Variants in TSPAN5 observed in about 807,000 individuals in gnomAD.
The protein encoded by TSPAN5 is tetraspanin 5.
In TSPAN5, 10 loss-of-function variants were observed where a neutral mutation model predicts 37.1. That is an observed-to-expected ratio of 0.27 (90% CI 0.17 to 0.46). The LOEUF (loss-of-function observed/expected upper bound fraction) is 0.46, where lower values mean the gene tolerates loss of function less well. TSPAN5 is among the 20% of genes least tolerant of loss of function. The probability of loss-of-function intolerance (pLI) is 1.00; values close to 1 mark genes in which losing one functional copy is unlikely to be tolerated. For synonymous variants in TSPAN5, 110 were observed against 118.9 expected (o/e 0.93, Z 0.48); for missense variants, 195 against 326.6 (o/e 0.60, Z 3.11).
chr4:98,610,509 C>T (rs1756156972), intron 1 of TSPAN5, among the ~76,000 whole-genome samples: 1 of 152,194 alleles, frequency 6.6e-6, no homozygotes, highest in Non-Finnish European at 1.5e-5. Context: ...TCAAAATTAT[C>T]TACATAAGTA....
rs79548387 is a variant in TSPAN5 at position 98,570,921 on chromosome 4, G to A, written c.82-63193C>T. ...TACCCTGAGAAGGCCTGAGAACAGGGCCTCTCAGGGTGCCTGAGAGGTGGA... is the reference window on the plus strand; with the variant it reads ...TACCCTGAGAAGGCCTGAGAACAGGACCTCTCAGGGTGCCTGAGAGGTGGA... On this transcript the variant is annotated intron_variant, in intron 1 of 7. Transcript: ENST00000305798. 6.7e-3 allele frequency among the ~76,000 whole-genome samples: 1,016 copies of A among 151,844 alleles called. 22 individuals carry two copies. The highest frequency in any genetic ancestry group is 0.023 in the African/African-American group (952 of 41,414).
intron 1 of TSPAN5, among the ~76,000 whole-genome samples, chr4:98,549,662 G>A (rs182592709): frequency 6.6e-6 from 1 of 152,114 alleles, no homozygotes; most frequent in African/African-American, 2.4e-5. Context: ...TTTCATGTTT[G>A]TTGGCCACTT....
intron 1 of TSPAN5, among the ~76,000 whole-genome samples, chr4:98,655,861 T>C (rs990075387): frequency 6.6e-6 from 1 of 152,146 alleles, no homozygotes; most frequent in Non-Finnish European, 1.5e-5. Context: ...AGCAGGAAAT[T>C]TAAATATGGG....
intron 3 of TSPAN5, chr4:98,486,446 T>C: frequency 3.1e-6 from 1 of 320,712 alleles, no homozygotes; most frequent in South Asian, 4.4e-5. Context: ...TATATATATA[T>C]ACCTACCTTA....
At chr4:98,566,383 C>A (rs1052593944) in intron 1 of TSPAN5, among the ~76,000 whole-genome samples, 3 of 152,070 alleles carry the variant, frequency 2.0e-5, no homozygotes, top group Non-Finnish European at 2.9e-5. Context: ...CATCTCTCCC[C>A]TAAACAAGTC....
chr4:98,482,127 C>T lies in TSPAN5; in HGVS notation c.328G>A (p.Val110Ile), dbSNP rs1229281588. The change falls in exon 4 of 8, where the codon GTT becomes ATT. Residue 110 changes from valine to isoleucine, a missense_variant. Coordinates refer to ENST00000305798, the MANE Select transcript of TSPAN5 (RefSeq NM_005723.4). ...CAGTCTTTGAAAACAAATGCTAGAA[C>T]TCCGGCAGTGAGCTCCAGGAAGAAA... The part of the protein sequence containing the change: ...IIFFLELTAG[V>I]LAFVFKDWIK... 5.6e-6 allele frequency: 9 copies of T among 1,614,088 alleles called. No homozygotes were observed. Among genetic ancestry groups the T allele is most frequent in the South Asian group, 1.1e-5 (1 of 91,082 alleles).
chr4:98,602,881 G>A (rs1755914628), intron 1 of TSPAN5, among the ~76,000 whole-genome samples: 1 of 152,152 alleles, frequency 6.6e-6, no homozygotes, highest in Admixed American at 6.5e-5. Context: ...ATACAGCAAT[G>A]CAATAAAGTG....
chr4:98,582,882 G>A (rs1755401389), intron 1 of TSPAN5, among the ~76,000 whole-genome samples: 1 of 152,172 alleles, frequency 6.6e-6, no homozygotes, highest in African/African-American at 2.4e-5. Flanking sequence ...GAAGAAAAGT[G>A]AGCTTGGTAC....
rs1000331508 is a variant in TSPAN5 at position 98,471,795 on chromosome 4, T to A, written c.*727A>T. On this transcript the variant is annotated 3_prime_UTR_variant, in exon 8 of 8. Coordinates refer to ENST00000305798, the MANE Select transcript of TSPAN5 (RefSeq NM_005723.4). ...TCATTTTCTCCTTGAATTTCACTGA[T>A]AAACAAAGCTCAGGTCTACTTAGAA... 2.6e-5 allele frequency: 4 copies of A among 152,208 alleles called. No individual in the cohort carries two copies. Among genetic ancestry groups the A allele is most frequent in the African/African-American group, 7.2e-5 (3 of 41,438 alleles). 9.4% of individuals were successfully genotyped at this position (152,208 alleles called of 1,614,324 possible). A position where few individuals can be genotyped will look rare whatever the true frequency, so the allele number is the denominator to read the frequency against.
chr4:98,587,035 G>T (rs1004978663), intron 1 of TSPAN5, among the ~76,000 whole-genome samples: 1 of 152,232 alleles, frequency 6.6e-6, no homozygotes, highest in Non-Finnish European at 1.5e-5. Flanking sequence ...CAAAAGCCAA[G>T]GGTGAGGGCT....
intron 1 of TSPAN5, among the ~76,000 whole-genome samples, chr4:98,535,707 AT>A (rs1754215315): frequency 6.6e-6 from 1 of 152,048 alleles, no homozygotes; most frequent in South Asian, 2.1e-4. Flanking sequence ...ATAGTCCCAT[AT>A]TTGTTGGAGG....
At chr4:98,617,025 A>G (rs1464365957) in intron 1 of TSPAN5, among the ~76,000 whole-genome samples, 1 of 152,050 alleles carries the variant, frequency 6.6e-6, no homozygotes, top group Non-Finnish European at 1.5e-5. Flanking sequence ...GGGTTTCACC[A>G]TGTTGCCCAG....
At chr4:98,569,732 T>C (rs991776710) in intron 1 of TSPAN5, among the ~76,000 whole-genome samples, 3 of 152,180 alleles carry the variant, frequency 2.0e-5, no homozygotes, top group Non-Finnish European at 4.4e-5. Flanking sequence ...AGAAGAAAAT[T>C]TGCTGAACCT....
intron 2 of TSPAN5, among the ~76,000 whole-genome samples, chr4:98,503,907 C>G (rs1246915062): frequency 6.6e-6 from 1 of 152,174 alleles, no homozygotes; most frequent in Non-Finnish European, 1.5e-5. Context: ...TCCTTCCAAA[C>G]AGCAGATCCT....
At chr4:98,498,862 G>A (rs2110277569) in intron 2 of TSPAN5, among the ~76,000 whole-genome samples, 1 of 152,282 alleles carries the variant, frequency 6.6e-6, no homozygotes, top group Admixed American at 6.5e-5. Context: ...ATCAGAAGTA[G>A]GTGAGGACAG....
chr4:98,642,884 T>C (rs1339154532), intron 1 of TSPAN5, among the ~76,000 whole-genome samples: 1 of 151,974 alleles, frequency 6.6e-6, no homozygotes, highest in Non-Finnish European at 1.5e-5. Flanking sequence ...TCTGTTAAGC[T>C]AAGTGTTATT....
At chr4:98,589,577 C>T (rs918307164) in intron 1 of TSPAN5, among the ~76,000 whole-genome samples, 1 of 152,218 alleles carries the variant, frequency 6.6e-6, no homozygotes, top group Non-Finnish European at 1.5e-5. Context: ...GGATTCTTTA[C>T]ATTAACTGGA....
intron 1 of TSPAN5, among the ~76,000 whole-genome samples, chr4:98,572,169 C>T (rs2110183652): frequency 6.6e-6 from 1 of 152,050 alleles, no homozygotes; most frequent in African/African-American, 2.4e-5. Context: ...TCGCCGTTAA[C>T]AATTTTTTCC....
chr4:98,574,567 C>G (rs1428739682), intron 1 of TSPAN5: 1 of 152,328 alleles, frequency 6.6e-6, no homozygotes, highest in Middle Eastern at 3.4e-3. Flanking sequence ...TCTCCCCTTC[C>G]TTCCACGGCA....
Sources: allele counts gnomAD v4.1 joint callset (sites outside exome capture counted in the v4.1 genomes callset), GRCh38; gene constraint gnomAD v4.1.1; transcripts MANE v1.5; gene names NCBI Gene and HGNC (gene_info 2026-07-23, HGNC 2026-07-21).